The following TBC1D5 variants were observed in gnomAD, a reference collection of about 807,000 sequenced individuals.
TBC1D5 encodes the protein TBC1 domain family, member 5.
TBC1D5 carries 75 observed loss-of-function variants against 100.3 expected under a neutral mutation model. That is an observed-to-expected ratio of 0.75 (90% confidence interval 0.62 to 0.91). TBC1D5 has a LOEUF of 0.91. Ranked by LOEUF, TBC1D5 falls within the 40% of genes least tolerant of loss-of-function variation. The probability of loss-of-function intolerance (pLI) is 0.00; values close to 1 mark genes in which losing one functional copy is unlikely to be tolerated. For synonymous variants in TBC1D5, 323 were observed against 325.6 expected, an observed-to-expected ratio of 0.99 and a Z score of 0.09; for missense variants, 910 against 942.4, an observed-to-expected ratio of 0.97 and a Z score of 0.45.
intron 8 of TBC1D5, among the ~76,000 whole-genome samples, chr3:17,396,063 AACAC>A (rs757650010): frequency 2.0e-5 from 3 of 152,124 alleles, no homozygotes; most frequent in Non-Finnish European, 4.4e-5. Context: ...ATATTTAAGA[AACAC>A]ACACAGGTTG....
chr3:17,265,481 G>T (rs1485637024), intron 15 of TBC1D5, among the ~76,000 whole-genome samples: 1 of 151,966 alleles, frequency 6.6e-6, no homozygotes, highest in African/African-American at 2.4e-5. Context: ...GTTCCTCTTT[G>T]ATGAAAAATG....
chr3:17,553,868 G>T (rs2096493842), intron 2 of TBC1D5, among the ~76,000 whole-genome samples: 1 of 152,194 alleles, frequency 6.6e-6, no homozygotes, highest in Non-Finnish European at 1.5e-5. Context: ...ATTGTTTACA[G>T]AAGGTAAATG....
chr3:17,610,579 G>A (rs887559837), intron 2 of TBC1D5, among the ~76,000 whole-genome samples: 2 of 152,112 alleles, frequency 1.3e-5, no homozygotes, highest in Non-Finnish European at 2.9e-5. Flanking sequence ...CCTTATTCTT[G>A]CAATCAGTAT....
At chr3:17,379,342 GA>G (rs1021233497) in intron 9 of TBC1D5, among the ~76,000 whole-genome samples, 7 of 151,982 alleles carry the variant, frequency 4.6e-5, no homozygotes, top group African/African-American at 1.7e-4. Flanking sequence ...CCTTTTGAAA[GA>G]AATAGTGCTT....
At chr3:17,560,323 A>G (rs1390892905) in intron 2 of TBC1D5, among the ~76,000 whole-genome samples, 1 of 152,216 alleles carries the variant, frequency 6.6e-6, no homozygotes, top group Non-Finnish European at 1.5e-5. Context: ...GAAAGTCTTC[A>G]AAGGCAAATA....
intron 5 of TBC1D5, among the ~76,000 whole-genome samples, chr3:17,405,378 T>C (rs1461194355): frequency 6.6e-6 from 1 of 152,050 alleles, no homozygotes; most frequent in East Asian, 1.9e-4. Context: ...TGGTAAAAGT[T>C]AGTGAACAAC....
chr3:17,706,428 C>T (rs952107212), intron 1 of TBC1D5, among the ~76,000 whole-genome samples: 2 of 151,728 alleles, frequency 1.3e-5, no homozygotes, highest in Non-Finnish European at 2.9e-5. Flanking sequence ...TACTTACACA[C>T]ACACACACAC....
intron 2 of TBC1D5, among the ~76,000 whole-genome samples, chr3:17,617,282 G>A (rs551905242): frequency 7.9e-5 from 12 of 152,318 alleles, no homozygotes; most frequent in African/African-American, 2.6e-4. Context: ...CCCTTTGTGG[G>A]TAACTCGACC....
At chr3:17,725,501 A>G (rs2076049839) in intron 1 of TBC1D5, among the ~76,000 whole-genome samples, 1 of 150,908 alleles carries the variant, frequency 6.6e-6, no homozygotes, top group African/African-American at 2.4e-5. Context: ...GGCTCTTTGG[A>G]GTCTCAGTTT....
At chr3:17,337,772 C>A (rs182614404) in intron 13 of TBC1D5, 1 of 152,130 alleles carries the variant, frequency 6.6e-6, no homozygotes, top group African/African-American at 2.4e-5. Context: ...TATTCCTCTA[C>A]GCCATATTTT....
intron 5 of TBC1D5, 84 bp downstream of exon 5, chr3:17,406,334 C>A (rs1313779794): frequency 5.0e-6 from 6 of 1,189,508 alleles, no homozygotes; most frequent in African/African-American, 3.1e-5. Flanking sequence ...TTCAGTGATC[C>A]CCTGCATGGC....
intron 1 of TBC1D5, among the ~76,000 whole-genome samples, chr3:17,624,281 A>G (rs2062894285): frequency 1.3e-5 from 2 of 152,216 alleles, no homozygotes; most frequent in Non-Finnish European, 2.9e-5. Context: ...TCACTAAAAC[A>G]CAAAGATACT....
intron 3 of TBC1D5, among the ~76,000 whole-genome samples, chr3:17,495,110 A>G (rs1353456332): frequency 3.9e-5 from 6 of 152,130 alleles, no homozygotes; most frequent in African/African-American, 1.2e-4. Flanking sequence ...GTCAGTTCCA[A>G]TGAGAGAACC....
chr3:17,406,652 T>C (rs2093778054), intron 4 of TBC1D5, 126 bp from the exon 5 acceptor site: 2 of 726,284 alleles, frequency 2.8e-6, no homozygotes, highest in South Asian at 3.9e-5. Context: ...ATATATTTAG[T>C]TGTGTACTGT....
chr3:17,601,091 G>A (rs905451540), intron 2 of TBC1D5, among the ~76,000 whole-genome samples: 6 of 152,194 alleles, frequency 3.9e-5, no homozygotes, highest in African/African-American at 1.4e-4. Context: ...ATGCTGGAAG[G>A]AAAAATGCCT....
At chr3:17,651,159 T>A (rs1415156157) in intron 1 of TBC1D5, among the ~76,000 whole-genome samples, 3 of 152,206 alleles carry the variant, frequency 2.0e-5, no homozygotes, top group African/African-American at 4.8e-5. Context: ...ATCAAAAAAA[T>A]TCTTAAATAT....
rs556145876 is a variant in TBC1D5 at position 17,678,528 on chromosome 3, C to T, written c.-100-54615G>A. ...ATGAATAACTTATCAAAAGAAGTTA[C>T]TCATAACAGAACACATCAGAAAAGA... On this transcript the variant is annotated intron_variant, in intron 1 of 21. Transcript: ENST00000253692. Among the ~76,000 whole-genome samples, 4 of 152,098 alleles carry T rather than the reference C, an allele frequency of 2.6e-5. No individual in the cohort carries two copies. In the East Asian group the frequency reaches 5.8e-4, roughly 22 times the overall value.
rs143365571 is a variant in TBC1D5, at chr3:17,185,114, T to C, written c.1847A>G (p.His616Arg). 1.9e-5 allele frequency: 31 copies of C among 1,611,176 alleles called. No homozygotes were observed. The African/African-American group carries it at 3.2e-4, about 17-fold the overall frequency. The stretch of plus-strand genomic sequence containing the variant: ...GGCCAAAGTAATTCACTTACCAAGA[T>C]GAGTGTCCATCACCTTTGCACAGTA... Residue 616 changes from histidine (H) to arginine (R), a missense_variant, in exon 19 of 22, where the codon CAT (histidine) becomes CGT (arginine). Physicochemically the swap from His to Arg is conservative, Grantham distance 29. Transcript: ENST00000253692.
chr3:17,551,984 G>A (rs187514779), intron 2 of TBC1D5, among the ~76,000 whole-genome samples: 52 of 152,172 alleles, frequency 3.4e-4, no homozygotes, highest in African/African-American at 1.3e-3. Context: ...CATATGGTAT[G>A]TGTTGATACC....
Sources: gnomAD v4.1 joint callset for allele counts (sites outside exome capture counted in the v4.1 genomes callset) on GRCh38, gnomAD v4.1.1 for gene constraint, MANE v1.5 for transcripts, NCBI Gene and HGNC (gene_info 2026-07-23, HGNC 2026-07-21) for gene names.